SMAP1: variants seen among roughly 807,000 people sequenced by gnomAD.
The protein encoded by SMAP1 is small ArfGAP 1.
A neutral mutation model predicts 58.5 loss-of-function variants in SMAP1; 24 were observed. The ratio of observed to expected loss-of-function variants is 0.41; its 90% CI spans 0.30 to 0.58. The LOEUF (loss-of-function observed/expected upper bound fraction) is 0.58. Among genes scored for constraint, SMAP1 ranks in the 20% least tolerant of loss-of-function variants. SMAP1 has a pLI of 0.29. For synonymous variants in SMAP1, 216 were observed against 196.6 expected (o/e 1.10, Z -0.82); for missense variants, 563 against 566.3 (o/e 0.99, Z 0.06).
chr6:70,670,066 T>C (rs1766202105), intron 1 of SMAP1, among the ~76,000 whole-genome samples: 1 of 152,214 alleles, frequency 6.6e-6, no homozygotes, highest in African/African-American at 2.4e-5. Flanking sequence ...GTATTCGTTT[T>C]GCTCAGTGTT....
intron 1 of SMAP1, among the ~76,000 whole-genome samples, chr6:70,726,855 ATAT>A (rs1428973952): frequency 6.7e-6 from 1 of 148,540 alleles, no homozygotes; most frequent in Non-Finnish European, 1.5e-5. Context: ...TAGTCATGTA[ATAT>A]TATACAAATT....
At chr6:70,670,544 T>C (rs941530219) in intron 1 of SMAP1, among the ~76,000 whole-genome samples, 1 of 152,194 alleles carries the variant, frequency 6.6e-6, no homozygotes, top group African/African-American at 2.4e-5. Flanking sequence ...ATCTATATGC[T>C]AGGATGACAT....
Position 70,843,397 on chromosome 6 carries a change from T to C in SMAP1, c.664+6369T>C, listed in dbSNP as rs535645431. On this transcript the variant is annotated intron_variant, in intron 7 of 10. Coordinates refer to ENST00000370455, the MANE Select transcript of SMAP1 (RefSeq NM_001044305.3). ...TAACTAGATGCCAGGGGCTGTCTTG[T>C]GTGCTGACAGATATTTATTTATTGA... 7.2e-5 allele frequency among the ~76,000 whole-genome samples: 11 copies of C among 152,296 alleles called. No homozygotes were observed. In the South Asian group the frequency reaches 1.2e-3, roughly 17 times the overall value.
At chr6:70,697,040 G>A (rs1409192896) in intron 1 of SMAP1, among the ~76,000 whole-genome samples, 1 of 151,990 alleles carries the variant, frequency 6.6e-6, no homozygotes, top group Non-Finnish European at 1.5e-5. Flanking sequence ...TCCAATATAA[G>A]CTACTCCTGC....
intron 5 of SMAP1, among the ~76,000 whole-genome samples, chr6:70,796,944 C>A (rs1039780640): frequency 4.6e-5 from 7 of 152,078 alleles, no homozygotes; most frequent in African/African-American, 1.7e-4. Context: ...TCCATGTATT[C>A]TTCTTTTGTT....
At chr6:70,769,715 G>C (rs934235918) in intron 3 of SMAP1, among the ~76,000 whole-genome samples, 28 of 152,128 alleles carry the variant, frequency 1.8e-4, no homozygotes, top group Admixed American at 3.3e-4. Context: ...CATTTTGCCA[G>C]TCTGTGTCTT....
In SMAP1 at chr6:70,709,087, G is replaced by T. The variant is rs78405787; in HGVS notation, c.119-23291G>T. On this transcript the variant is annotated intron_variant, in intron 1 of 10. Transcript: ENST00000370455. ...TATATTTTCTTCTAAGGAGGTTTTT[G>T]TGTGTGTGTGTGTGTGGTATAAGGG... is the stretch of plus-strand genomic sequence containing the variant. 3.5e-4 allele frequency among the ~76,000 whole-genome samples: 13 copies of T among 36,896 alleles called. No homozygotes were observed. In the East Asian group the frequency reaches 3.9e-3, roughly 11 times the overall value. 24.2% of individuals were successfully genotyped at this position (36,896 alleles called of 152,430 possible). A position where few individuals can be genotyped will look rare whatever the true frequency, so the allele number is the denominator to read the frequency against.
intron 2 of SMAP1, among the ~76,000 whole-genome samples, chr6:70,746,269 T>C (rs762869018): frequency 6.6e-6 from 1 of 152,240 alleles, no homozygotes; most frequent in Non-Finnish European, 1.5e-5. Flanking sequence ...CAGGGAATGC[T>C]TCTAGGTTTT....
intron 1 of SMAP1, among the ~76,000 whole-genome samples, chr6:70,688,141 T>G (rs1440322600): frequency 6.6e-6 from 1 of 152,226 alleles, no homozygotes; most frequent in Admixed American, 6.5e-5. Context: ...TAATAGTTCT[T>G]TTCTTTTTAT....
At chr6:70,720,044 C>T (rs1768451544) in intron 1 of SMAP1, among the ~76,000 whole-genome samples, 1 of 152,190 alleles carries the variant, frequency 6.6e-6, no homozygotes, top group African/African-American at 2.4e-5. Context: ...AAAAAGTCCA[C>T]AGTCCAAATT....
intron 5 of SMAP1, among the ~76,000 whole-genome samples, chr6:70,794,543 T>C (rs1768512419): frequency 1.3e-5 from 2 of 152,150 alleles, no homozygotes; most frequent in Non-Finnish European, 2.9e-5. Flanking sequence ...TCATTTACAT[T>C]AGGTATATCT....
chr6:70,850,021 T>C (rs1250129075), intron 7 of SMAP1, among the ~76,000 whole-genome samples: 2 of 152,186 alleles, frequency 1.3e-5, no homozygotes, highest in African/African-American at 2.4e-5. Context: ...CCAAGTAATA[T>C]GCTGTGTGTT....
At chr6:70,711,189 TTGTG>T (rs1768043619) in intron 1 of SMAP1, among the ~76,000 whole-genome samples, 1 of 152,178 alleles carries the variant, frequency 6.6e-6, no homozygotes, top group South Asian at 2.1e-4. Flanking sequence ...AAGTACATAA[TTGTG>T]TGTGCTATAC....
At chr6:70,711,995 T>C (rs1404400074) in intron 1 of SMAP1, among the ~76,000 whole-genome samples, 3 of 152,228 alleles carry the variant, frequency 2.0e-5, no homozygotes, top group East Asian at 3.8e-4. Context: ...ATAGATATCC[T>C]TTCCTTGTAC....
intron 1 of SMAP1, among the ~76,000 whole-genome samples, chr6:70,690,624 A>G (rs1331357191): frequency 6.6e-6 from 1 of 151,812 alleles, no homozygotes; most frequent in Admixed American, 6.6e-5. Context: ...ATATTGAACT[A>G]CATTGATTTT....
chr6:70,737,367 A>G (rs1242311826), intron 2 of SMAP1, among the ~76,000 whole-genome samples: 3 of 152,036 alleles, frequency 2.0e-5, no homozygotes, highest in African/African-American at 7.2e-5. Context: ...GGCTGGTCTC[A>G]GCGTCCTGAC....
intron 3 of SMAP1, among the ~76,000 whole-genome samples, chr6:70,757,197 C>A (rs939528916): frequency 1.3e-5 from 2 of 149,696 alleles, no homozygotes; most frequent in Non-Finnish European, 3.0e-5. Flanking sequence ...CAGAACAGAG[C>A]CCTCAGAAAT....
intron 1 of SMAP1, among the ~76,000 whole-genome samples, chr6:70,677,042 A>C (rs983322710): frequency 5.3e-5 from 8 of 152,056 alleles, no homozygotes; most frequent in African/African-American, 1.9e-4. Context: ...CCTCTTGCCT[A>C]GGCCTCCTGA....
chr6:70,784,806 G>A (rs569873407), intron 4 of SMAP1, among the ~76,000 whole-genome samples: 1 of 152,138 alleles, frequency 6.6e-6, no homozygotes. Context: ...CATAAAGCAA[G>A]TCCTGAGTGA....
Sources: gnomAD v4.1 joint callset for allele counts (sites outside exome capture counted in the v4.1 genomes callset) on GRCh38, gnomAD v4.1.1 for gene constraint, MANE v1.5 for transcripts, NCBI Gene and HGNC (gene_info 2026-07-23, HGNC 2026-07-21) for gene names.